Variants in FOXP3 observed in about 807,000 individuals in gnomAD.
FOXP3 encodes the protein forkhead box P3.
Under a neutral mutation model 31.2 loss-of-function variants are expected in FOXP3, and 5 were observed. The observed-to-expected ratio is 0.16, with a 90% CI of 0.08 to 0.34. The LOEUF (loss-of-function observed/expected upper bound fraction) is 0.34. Among genes scored for constraint, FOXP3 ranks in the 10% least tolerant of loss-of-function variants. FOXP3 has a pLI of 1.00. For synonymous variants in FOXP3, 141 were observed against 148.8 expected (o/e 0.95, Z 0.38); for missense variants, 251 against 363.0 (o/e 0.69, Z 2.51).
In FOXP3 at chrX:49,258,497, G is replaced by T. The variant is rs782730117; in HGVS notation, c.9C>A (p.Asn3Lys). 8.5e-7 allele frequency: 1 copy of T among 1,171,555 alleles called. No individual in the cohort carries two copies. Among genetic ancestry groups the T allele is most frequent in the Non-Finnish European group, 1.1e-6 (1 of 873,669 alleles). ...GGGCCGAGGGCTTGCCAGGCCTGGG[G>T]TTGGGCATCGGGTCCTTGTCCAAGG... Reference protein sequence around the residue: MPNPRPGKPSAPS... With the variant: MPKPRPGKPSAPS... The change falls in exon 2 of 12, where the codon AAC (asparagine) becomes AAA (lysine). Residue 3 changes from asparagine (N) to lysine (K), a missense_variant. Coordinates refer to ENST00000376207, the MANE Select transcript of FOXP3 (RefSeq NM_014009.4).
intron 1 of FOXP3, among the ~76,000 whole-genome samples, chrX:49,261,608 C>G (rs1392432390): frequency 1.8e-5 from 2 of 112,698 alleles, no homozygotes; most frequent in African/African-American, 6.4e-5. Flanking sequence ...GGCCTCCTGA[C>G]CTATGGAGTC....
At chrX:49,259,572 C>G (rs782074757) in intron 1 of FOXP3, among the ~76,000 whole-genome samples, 4 of 110,835 alleles carry the variant, frequency 3.6e-5, no homozygotes, top group Non-Finnish European at 7.6e-5. Context: ...CTGTCCAAGC[C>G]ACGCAAGACC....
chrX:49,253,881 C>T (rs374665324), intron 9 of FOXP3, 36 bp downstream of exon 9: 188 of 1,208,287 alleles, frequency 1.6e-4, no homozygotes, highest in Non-Finnish European at 6.0e-5. Flanking sequence ...GGATTAGGAG[C>T]TTGGGGGCAC....
chrX:49,261,001 G>A (rs890812985), intron 1 of FOXP3, among the ~76,000 whole-genome samples: 1 of 112,388 alleles, frequency 8.9e-6, no homozygotes, highest in African/African-American at 3.2e-5. Context: ...TGAAGACCTG[G>A]CCCTTCTTGG....
intron 6 of FOXP3, 123 bp from the exon 7 acceptor site, chrX:49,255,925 C>T (rs782791561): frequency 1.7e-6 from 1 of 585,989 alleles, no homozygotes; most frequent in African/African-American, 2.3e-5. Flanking sequence ...CCCCTCCCCT[C>T]TCTACCTCAG....
intron 10 of FOXP3, among the ~76,000 whole-genome samples, chrX:49,252,813 T>C (rs1557115754): frequency 2.7e-5 from 3 of 109,696 alleles, no homozygotes; most frequent in African/African-American, 1.0e-4. Flanking sequence ...GGGTTAGCTT[T>C]AGGCTATTTT....
In FOXP3 at chrX:49,256,742, G is replaced by A. The variant is rs1257959393; in HGVS notation, c.647+9C>T. ...GGCCGGTAGACTGGCACAGGCCTGG[G>A]CCACTCACTTGAGGAAGTCCTCTGG... On this transcript the variant is annotated intron_variant, in intron 6 of 11. Transcript: ENST00000376207. 8.3e-7 allele frequency: 1 copy of A among 1,204,393 alleles called. No homozygotes were observed. Among genetic ancestry groups the A allele is most frequent in the East Asian group, 3.0e-5 (1 of 33,840 alleles).
chrX:49,253,975 G>T lies in FOXP3; in HGVS notation c.909C>A (p.Asp303Glu). Residue 303 changes from aspartate to glutamate, a missense_variant, in exon 9 of 12, where the codon GAC becomes GAA. By Grantham distance (45) the Asp-to-Glu change is conservative. Transcript: ENST00000376207. ...PAWSGPREAPDSLFAVRRHLW... is the reference protein window; with the variant it reads ...PAWSGPREAPESLFAVRRHLW... The stretch of plus-strand genomic sequence containing the variant: ...GGTGCCTCCGGACAGCAAACAGGCT[G>T]TCAGGGGCCTCCCGGGGGCCAGACC... 1 of 1,211,229 alleles carries T rather than the reference G, an allele frequency of 8.3e-7. No individual in the cohort carries two copies. The highest frequency in any genetic ancestry group is 1.1e-6 in the Non-Finnish European group (1 of 895,299).
rs1557115291 is a variant in FOXP3, at chrX:49,250,511, T to C, written c.*823A>G. ...CCTTGGATCCCAAATAAATGAGTAG[T>C]TCCTCTGCAGTCTAAGCTGAGGCAT... On this transcript the variant is annotated 3_prime_UTR_variant, in exon 12 of 12. Coordinates refer to ENST00000376207, the MANE Select transcript of FOXP3 (RefSeq NM_014009.4). 2.2e-6 allele frequency: 1 copy of C among 460,071 alleles called. No individual in the cohort carries two copies. The highest frequency in any genetic ancestry group is 4.0e-6 in the Non-Finnish European group (1 of 252,914). 37.9% of individuals were successfully genotyped at this position (460,071 alleles called of 1,213,427 possible). A position where few individuals can be genotyped will look rare whatever the true frequency, so the allele number is the denominator to read the frequency against.
intron 8 of FOXP3, 143 bp from the exon 9 acceptor site, chrX:49,254,210 C>A: frequency 1.5e-6 from 1 of 674,853 alleles, no homozygotes; most frequent in Non-Finnish European, 2.1e-6. Flanking sequence ...CGGCTCACTG[C>A]AACCCCCACC....
In FOXP3 at chrX:49,250,933, T is replaced by G; in HGVS notation, c.*401A>C. 1 of 248,503 alleles carries G rather than the reference T, an allele frequency of 4.0e-6. No individual in the cohort carries two copies. The highest frequency in any genetic ancestry group is 9.8e-5 in the East Asian group (1 of 10,156). The allele number at this position is 248,503 out of a possible 1,213,427, so 20.5% of individuals were successfully genotyped here. On this transcript the variant is annotated 3_prime_UTR_variant, in exon 12 of 12. Coordinates refer to ENST00000376207, the MANE Select transcript of FOXP3 (RefSeq NM_014009.4). ...TGTACTGAGGCAGGCTCTCTGTGTT[T>G]TGGGGTTTGTGTTGAGTGAGGGACA...
chrX:49,256,699 C>A, intron 6 of FOXP3, 52 bp downstream of exon 6: 1 of 1,062,069 alleles, frequency 9.4e-7, no homozygotes, highest in South Asian at 1.9e-5. Context: ...GCACCCTAGA[C>A]CTCTCCCCAC....
In FOXP3 at chrX:49,255,700, C is replaced by T; in HGVS notation, c.735+15G>A. 1.7e-6 allele frequency: 2 copies of T among 1,203,303 alleles called. No individual in the cohort carries two copies. Among genetic ancestry groups the T allele is most frequent in the Non-Finnish European group, 2.2e-6 (2 of 889,941 alleles). On this transcript the variant is annotated intron_variant, in intron 7 of 11. Transcript: ENST00000376207. ...CACTATCCCTATCCCTTACCCTCCA[C>T]CGCCCTGGCATTACCTGCTGCTCCA... is the stretch of plus-strand genomic sequence containing the variant.
chrX:49,257,324 AC>A, intron 4 of FOXP3, 102 bp downstream of exon 4: 1 of 1,032,789 alleles, frequency 9.7e-7, no homozygotes, highest in Non-Finnish European at 1.3e-6. Flanking sequence ...GACACCTTTG[AC>A]CCCCAGAGTA....
At chrX:49,257,042 G>A in intron 4 of FOXP3, 30 bp from the exon 5 acceptor site, 1 of 1,145,706 alleles carries the variant, frequency 8.7e-7, no homozygotes, top group South Asian at 1.9e-5. Flanking sequence ...ACCTATGGAG[G>A]CTGTGGGCTG....
chrX:49,251,639 T>C (rs782530463), intron 11 of FOXP3, 25 bp downstream of exon 11: 8 of 1,207,698 alleles, frequency 6.6e-6, no homozygotes, highest in Non-Finnish European at 8.9e-6. Context: ...GCCATCCCAG[T>C]CACCGCCACC....
Position 49,251,439 on chromosome X carries a change from C to G in FOXP3, c.1191G>C (p.Arg397=). ...ACACAGCCCCCTTCTCGCTCTCCAC[C>G]CGCACAAAGCACTTGTGCAGACTCA... ...HNLSLHKCFV[R]VESEKGAVWT... is the part of the protein sequence containing the mutation. Residue 397 remains arginine (R), a synonymous_variant, in exon 12 of 12, where the codon CGG becomes CGC. Transcript: ENST00000376207. 1 of 1,212,188 alleles carries G rather than the reference C, an allele frequency of 8.2e-7. No homozygotes were observed. The highest frequency in any genetic ancestry group is 1.1e-6 in the Non-Finnish European group (1 of 895,603).
chrX:49,257,571 G>A lies in FOXP3; in HGVS notation c.316-6C>T. ...TGGGCATCCACCGTTGAGAGCTGGGGGGCACATGTGGGCTGTGGTTCAGCC... is the reference window on the plus strand; with the variant it reads ...TGGGCATCCACCGTTGAGAGCTGGGAGGCACATGTGGGCTGTGGTTCAGCC... On this transcript the variant is annotated splice_region_variant and splice_polypyrimidine_tract_variant and intron_variant, in intron 3 of 11. Transcript: ENST00000376207. The A allele has an allele frequency of 8.4e-7, 1 of 1,193,331 alleles. No individual in the cohort carries two copies. The highest frequency in any genetic ancestry group is 1.1e-6 in the Non-Finnish European group (1 of 883,259).
At chrX:49,255,666 G>A (rs1557116186) in intron 7 of FOXP3, 49 bp downstream of exon 7, 2 of 1,158,578 alleles carry the variant, frequency 1.7e-6, no homozygotes, top group Admixed American at 4.7e-5. Context: ...GTGGACAGAA[G>A]GTTTTGCGCA....
Sources: gnomAD v4.1 joint callset for allele counts (sites outside exome capture counted in the v4.1 genomes callset) on GRCh38, gnomAD v4.1.1 for gene constraint, MANE v1.5 for transcripts, NCBI Gene and HGNC (gene_info 2026-07-23, HGNC 2026-07-21) for gene names.